HUNK: variants seen among roughly 807,000 people sequenced by gnomAD.
HUNK encodes the protein hormonally up-regulated Neu-associated kinase, also known as hormonally up-regulated neu tumor-associated kinase.
In HUNK, 21 loss-of-function variants were observed where a neutral mutation model predicts 61.0. The observed-to-expected ratio is 0.34, with a 90% CI of 0.24 to 0.50. The LOEUF is 0.50. Among genes scored for constraint, HUNK ranks in the 20% least tolerant of loss-of-function variants. The pLI, the probability that HUNK is intolerant of heterozygous loss-of-function variation, is 0.98. For missense variants in HUNK, 772 were observed against 945.7 expected, an observed-to-expected ratio of 0.82 and a Z score of 2.41; for synonymous variants, 371 against 386.1, an observed-to-expected ratio of 0.96 and a Z score of 0.46.
intron 4 of HUNK, among the ~76,000 whole-genome samples, chr21:31,946,888 T>C (rs532975507): frequency 5.1e-4 from 78 of 152,356 alleles, no homozygotes; most frequent in African/African-American, 1.8e-3. Context: ...GTGCTGGCAT[T>C]ACCGGCATGA....
At chr21:31,936,671 T>C in intron 2 of HUNK, among the ~76,000 whole-genome samples, 1 of 152,234 alleles carries the variant, frequency 6.6e-6, no homozygotes, top group Middle Eastern at 3.2e-3. Context: ...TGCCTAATAA[T>C]TATTTTTAAT....
chr21:31,946,033 C>A lies in HUNK; in HGVS notation c.611-3C>A. ...AGCTTGTTTTGTTCACCTCTCTTTG[C>A]AGACTTTGGTTTGAGCAACTGCGCA... On this transcript the variant is annotated splice_polypyrimidine_tract_variant and splice_region_variant and intron_variant, in intron 3 of 10. Transcript: ENST00000270112. The A allele has an allele frequency of 6.3e-7, 1 of 1,587,510 alleles. No individual in the cohort carries two copies. The highest frequency in any genetic ancestry group is 8.6e-7 in the Non-Finnish European group (1 of 1,160,310).
In HUNK at chr21:32,003,286, G is replaced by T. The variant is rs544999200; in HGVS notation, c.*4102G>T. ...TGTCCCATCCACTCTTGAAGCTGGGGAAAGACAGCTTTCTTTGGGAACTCT... is the reference window on the plus strand; with the variant it reads ...TGTCCCATCCACTCTTGAAGCTGGGTAAAGACAGCTTTCTTTGGGAACTCT... On this transcript the variant is annotated 3_prime_UTR_variant, in exon 11 of 11. Transcript: ENST00000270112. The T allele has an allele frequency of 6.6e-6, 1 of 152,318 alleles. No individual in the cohort carries two copies. Among genetic ancestry groups the T allele is most frequent in the South Asian group, 2.1e-4 (1 of 4,822 alleles). 9.4% of individuals were successfully genotyped at this position (152,318 alleles called of 1,614,324 possible).
intron 1 of HUNK, among the ~76,000 whole-genome samples, chr21:31,883,552 C>T (rs891663693): frequency 6.6e-6 from 1 of 152,090 alleles, no homozygotes; most frequent in East Asian, 1.9e-4. Flanking sequence ...TTTGCAGTGT[C>T]TACCACCTTC....
In HUNK at chr21:31,983,551, G is replaced by C; in HGVS notation, c.1199G>C (p.Cys400Ser). ...AAATCTGACATCCAGGACAGCCTCT[G>C]CTACAAGACCCGGCTCTACCAGATA... The part of the protein sequence containing the change: ...SGKSDIQDSL[C>S]YKTRLYQIEK... Residue 400 changes from cysteine (C) to serine (S), a missense_variant, in exon 8 of 11, where the codon TGC becomes TCC. Cys to Ser is a moderately radical substitution (Grantham distance 112). Transcript: ENST00000270112. The C allele has an allele frequency of 1.2e-6, 2 of 1,613,908 alleles. No individual in the cohort carries two copies. Among genetic ancestry groups the C allele is most frequent in the South Asian group, 2.2e-5 (2 of 91,060 alleles).
chr21:31,936,977 T>G lies in HUNK; in HGVS notation c.555-3188T>G, dbSNP rs187741091. ...TCTTCCCAGGCAAAGAGGGCTTAAC[T>G]TCGTTTGAAACAAACTGTGGCCTTC... is the stretch of plus-strand genomic sequence containing the variant. On this transcript the variant is annotated intron_variant, in intron 2 of 10. Transcript: ENST00000270112. 1.8e-3 allele frequency among the ~76,000 whole-genome samples: 268 copies of G among 152,304 alleles called. 1 individual carries two copies. The highest frequency in any genetic ancestry group is 2.7e-3 in the South Asian group (13 of 4,830).
chr21:31,876,671 G>A (rs2052264526), intron 1 of HUNK, among the ~76,000 whole-genome samples: 2 of 152,184 alleles, frequency 1.3e-5, no homozygotes, highest in Admixed American at 1.3e-4. Context: ...GAGCAGAGCT[G>A]AGGAAAAGGA....
intron 3 of HUNK, among the ~76,000 whole-genome samples, chr21:31,941,321 T>G (rs1251816809): frequency 6.6e-6 from 1 of 151,900 alleles, no homozygotes; most frequent in African/African-American, 2.4e-5. Flanking sequence ...TTTTTTTTTT[T>G]CCTGAGATGG....
chr21:31,914,408 C>CAAAAAAAAAAAAA (rs35023797), intron 1 of HUNK, among the ~76,000 whole-genome samples: 1 of 39,826 alleles, frequency 2.5e-5, no homozygotes, highest in Non-Finnish European at 4.2e-5. Context: ...AACTCTGTCT[C>CAAAAAAAAAAAAA]AAAAAAAAAA....
chr21:31,880,916 C>T (rs533134302), intron 1 of HUNK, among the ~76,000 whole-genome samples: 131 of 152,234 alleles, frequency 8.6e-4, no homozygotes, highest in Non-Finnish European at 1.4e-3. Context: ...TCAGCCAAAG[C>T]CCCTGCCCAT....
In HUNK at chr21:31,999,297, C is replaced by A; in HGVS notation, c.*113C>A. On this transcript the variant is annotated 3_prime_UTR_variant, in exon 11 of 11. Transcript: ENST00000270112. Reference sequence around the variant, plus strand: ...CTCGCGTGGAGCATCCTTAGTCCCACCTGTAGCTGAATCCACAGACCCAAA... The same window carrying A: ...CTCGCGTGGAGCATCCTTAGTCCCAACTGTAGCTGAATCCACAGACCCAAA... 1 of 956,660 alleles carries A rather than the reference C, an allele frequency of 1.0e-6. No individual in the cohort carries two copies. The highest frequency in any genetic ancestry group is 1.6e-6 in the Non-Finnish European group (1 of 638,106). The allele number at this position is 956,660 out of a possible 1,614,324, so 59.3% of individuals were successfully genotyped here.
chr21:31,927,102 A>C (rs1045331834), intron 2 of HUNK, among the ~76,000 whole-genome samples: 1 of 151,334 alleles, frequency 6.6e-6, no homozygotes, highest in Admixed American at 6.6e-5. Context: ...GTGCAGTGGC[A>C]CAATCTCGGC....
chr21:31,974,690 C>A lies in HUNK; in HGVS notation c.1146C>A (p.Asn382Lys). The A allele has an allele frequency of 1.2e-6, 2 of 1,613,828 alleles. No homozygotes were observed. Reference sequence around the variant, plus strand: ...TCCTGGCCATCTACTTCCTCTTAAACAAGAAACTGGAGCGCTATTTGTCAG... The same window carrying A: ...TCCTGGCCATCTACTTCCTCTTAAAAAAGAAACTGGAGCGCTATTTGTCAG... Reference protein sequence around the residue: ...CHILAIYFLLNKKLERYLSGK... With the variant: ...CHILAIYFLLKKKLERYLSGK... The change falls in exon 7 of 11, where the codon AAC (asparagine) becomes AAA (lysine). Residue 382 changes from asparagine (N) to lysine (K), a missense_variant. This residue lies in a region of HUNK where 413 missense variants were observed against 444.4 expected (regional missense o/e 0.93). Transcript: ENST00000270112.
Position 31,995,827 on chromosome 21 carries a change from G to T in HUNK, c.1365G>T (p.Lys455Asn), listed in dbSNP as rs2053200873. Residue 455 changes from lysine to asparagine, a missense_variant, in exon 10 of 11, where the codon AAG (lysine) becomes AAT (asparagine). This residue lies in a region of HUNK where 413 missense variants were observed against 444.4 expected (regional missense o/e 0.93). Transcript: ENST00000270112. ...ATTTTCTTCATCGACCATTCTCCAA[G>T]AAGTTGGACAAGAACCTGCCCTCGC... ...RGDFLHRPFS[K>N]KLDKNLPSHK... 2 of 1,614,042 alleles carry T rather than the reference G, an allele frequency of 1.2e-6. No homozygotes were observed. The highest frequency in any genetic ancestry group is 1.7e-6 in the Non-Finnish European group (2 of 1,180,000).
At chr21:31,941,735 G>T (rs1260940068) in intron 3 of HUNK, among the ~76,000 whole-genome samples, 1 of 152,186 alleles carries the variant, frequency 6.6e-6, no homozygotes, top group Non-Finnish European at 1.5e-5. Flanking sequence ...TCATTTCCGA[G>T]ATCTGGAGTG....
intron 1 of HUNK, among the ~76,000 whole-genome samples, chr21:31,905,574 T>C (rs2052499482): frequency 6.6e-6 from 1 of 152,234 alleles, no homozygotes; most frequent in South Asian, 2.1e-4. Flanking sequence ...CCCTGTTATC[T>C]GCTTATGGAT....
intron 9 of HUNK, among the ~76,000 whole-genome samples, chr21:31,991,266 G>A (rs568955096): frequency 1.1e-3 from 169 of 152,052 alleles, no homozygotes; most frequent in Non-Finnish European, 2.1e-3. Context: ...CACCCAGGCT[G>A]GAGTGCAGTG....
In HUNK at chr21:32,000,311, T is replaced by C. The variant is rs2053237714; in HGVS notation, c.*1127T>C. On this transcript the variant is annotated 3_prime_UTR_variant, in exon 11 of 11. Coordinates refer to ENST00000270112, the MANE Select transcript of HUNK (RefSeq NM_014586.2). The stretch of plus-strand genomic sequence containing the variant: ...TTGCCTGGCAGAGAACCTGTTCAGA[T>C]ACAGGCCAGTTTCTTCTTCGAGGAA... The C allele has an allele frequency of 1.0e-5, 4 of 398,972 alleles. No homozygotes were observed. Among genetic ancestry groups the C allele is most frequent in the Admixed American group, 4.4e-5 (1 of 22,718 alleles). 24.7% of individuals were successfully genotyped at this position (398,972 alleles called of 1,614,324 possible).
intron 3 of HUNK, among the ~76,000 whole-genome samples, chr21:31,941,690 C>T (rs1427573357): frequency 6.6e-6 from 1 of 152,112 alleles, no homozygotes; most frequent in Non-Finnish European, 1.5e-5. Flanking sequence ...ACAAGGCACT[C>T]GTGTTGAAAT....
Sources: gnomAD v4.1 joint callset for allele counts (sites outside exome capture counted in the v4.1 genomes callset) on GRCh38, gnomAD v4.1.1 for gene constraint, gnomAD v4.1.1 regional missense constraint, MANE v1.5 for transcripts, NCBI Gene and HGNC (gene_info 2026-07-23, HGNC 2026-07-21) for gene names.